The following ADARB2 variants were observed in gnomAD, a reference collection of about 807,000 sequenced individuals.
ADARB2 encodes adenosine deaminase RNA specific B2 (inactive).
Under a neutral mutation model 62.2 loss-of-function variants are expected in ADARB2, and 25 were observed. That is an observed-to-expected ratio of 0.40 (90% confidence interval 0.29 to 0.56). The LOEUF (loss-of-function observed/expected upper bound fraction) is 0.56, where lower values mean the gene tolerates loss of function less well. Among genes scored for constraint, ADARB2 ranks in the 20% least tolerant of loss-of-function variants. ADARB2 has a pLI of 0.43. For synonymous variants in ADARB2, 572 were observed against 500.8 expected, an observed-to-expected ratio of 1.14 and a Z score of -1.90; for missense variants, 1,071 against 1,077.4, an observed-to-expected ratio of 0.99 and a Z score of 0.08.
intron 1 of ADARB2, among the ~76,000 whole-genome samples, chr10:1,656,020 AAC>A (rs1180401629): frequency 1.3e-5 from 2 of 152,232 alleles, no homozygotes; most frequent in African/African-American, 2.4e-5. Flanking sequence ...ATCCAGACAA[AAC>A]AGTGTTCACA....
intron 1 of ADARB2, among the ~76,000 whole-genome samples, chr10:1,385,428 T>C (rs1421318813): frequency 6.6e-6 from 1 of 151,226 alleles, no homozygotes; most frequent in African/African-American, 2.4e-5. Flanking sequence ...TGGGGAATCT[T>C]GGTAGAGAAA....
chr10:1,613,558 G>A (rs374379358), intron 1 of ADARB2, among the ~76,000 whole-genome samples: 1 of 152,294 alleles, frequency 6.6e-6, no homozygotes, highest in East Asian at 1.9e-4. Flanking sequence ...TACAGCAGAT[G>A]CTCATTTTCG....
intron 1 of ADARB2, among the ~76,000 whole-genome samples, chr10:1,512,629 G>A (rs1831950704): frequency 6.6e-6 from 1 of 152,232 alleles, no homozygotes; most frequent in Non-Finnish European, 1.5e-5. Context: ...AAATTCAAGA[G>A]CACATGATTC....
intron 1 of ADARB2, among the ~76,000 whole-genome samples, chr10:1,405,279 A>G (rs1832697947): frequency 1.3e-5 from 2 of 152,154 alleles, no homozygotes; most frequent in South Asian, 4.1e-4. Flanking sequence ...TCCCTCAACC[A>G]CTGCTCGTGG....
At chr10:1,673,178 G>A (rs1008939659) in intron 1 of ADARB2, among the ~76,000 whole-genome samples, 8 of 152,196 alleles carry the variant, frequency 5.3e-5, no homozygotes, top group African/African-American at 1.7e-4. Context: ...GCATTGGGAA[G>A]ACTTCCAACT....
At chr10:1,607,234 C>T (rs1018867529) in intron 1 of ADARB2, among the ~76,000 whole-genome samples, 1 of 152,218 alleles carries the variant, frequency 6.6e-6, no homozygotes, top group Admixed American at 6.5e-5. Context: ...TGGCCGAGGT[C>T]TCCGAGGGCT....
At chr10:1,473,657 C>T (rs890352087) in intron 1 of ADARB2, among the ~76,000 whole-genome samples, 1 of 152,206 alleles carries the variant, frequency 6.6e-6, no homozygotes, top group African/African-American at 2.4e-5. Context: ...GTTGGGATTA[C>T]AGGCATGAGC....
intron 1 of ADARB2, among the ~76,000 whole-genome samples, chr10:1,657,106 CA>C (rs1246662205): frequency 6.6e-6 from 1 of 151,520 alleles, no homozygotes; most frequent in African/African-American, 2.4e-5. Flanking sequence ...TTTTTTTCCA[CA>C]ACGTACACCA....
At chr10:1,448,732 T>C (rs1263697495) in intron 1 of ADARB2, among the ~76,000 whole-genome samples, 4 of 152,166 alleles carry the variant, frequency 2.6e-5, no homozygotes, top group Non-Finnish European at 4.4e-5. Flanking sequence ...CTCTGTGCCT[T>C]ATATGGCCTT....
chr10:1,682,740 G>A (rs1363716730), intron 1 of ADARB2, among the ~76,000 whole-genome samples: 1 of 152,184 alleles, frequency 6.6e-6, no homozygotes, highest in Non-Finnish European at 1.5e-5. Flanking sequence ...CCTGGGAAGG[G>A]GTTGAGAACA....
intron 1 of ADARB2, among the ~76,000 whole-genome samples, chr10:1,566,099 A>C (rs1279528366): frequency 8.2e-6 from 1 of 121,982 alleles, no homozygotes; most frequent in African/African-American, 2.9e-5. Flanking sequence ...AAAAAAAAAA[A>C]AAAAAAAAAA....
At chr10:1,433,238 C>T (rs1290785059) in intron 1 of ADARB2, among the ~76,000 whole-genome samples, 2 of 152,120 alleles carry the variant, frequency 1.3e-5, no homozygotes, top group Non-Finnish European at 2.9e-5. Context: ...ATTGTGGCAG[C>T]TGGTGTGAAA....
intron 3 of ADARB2, among the ~76,000 whole-genome samples, chr10:1,349,691 T>C (rs1315212489): frequency 6.6e-6 from 1 of 152,198 alleles, no homozygotes; most frequent in Non-Finnish European, 1.5e-5. Flanking sequence ...TCCTTTCATT[T>C]CTTGTAGAGA....
intron 1 of ADARB2, among the ~76,000 whole-genome samples, chr10:1,627,781 A>G (rs953268497): frequency 6.6e-6 from 1 of 152,096 alleles, no homozygotes; most frequent in African/African-American, 2.4e-5. Context: ...TTAATTGATC[A>G]CCCATTCTCT....
chr10:1,207,642 T>G (rs1350389095), intron 7 of ADARB2, among the ~76,000 whole-genome samples: 1 of 152,172 alleles, frequency 6.6e-6, no homozygotes, highest in Non-Finnish European at 1.5e-5. Flanking sequence ...GGCTAAAATT[T>G]AGGTTTAGAA....
intron 3 of ADARB2, chr10:1,290,761 C>CTGTT (rs1831459021): frequency 6.6e-6 from 1 of 152,256 alleles, no homozygotes; most frequent in East Asian, 1.9e-4. Context: ...ATCCACAAAT[C>CTGTT]TGTTTACACA....
At chr10:1,299,332 G>A (rs1038754695) in intron 3 of ADARB2, among the ~76,000 whole-genome samples, 6 of 152,070 alleles carry the variant, frequency 3.9e-5, no homozygotes, top group African/African-American at 1.4e-4. Flanking sequence ...ACTGGGGGAC[G>A]TGGACGTGGC....
intron 1 of ADARB2, among the ~76,000 whole-genome samples, chr10:1,489,499 A>G (rs1000632923): frequency 3.3e-5 from 5 of 152,238 alleles, no homozygotes; most frequent in Admixed American, 2.0e-4. Context: ...CACAGCCGCC[A>G]CTTAATGTGT....
chr10:1,374,467 AC>A, intron 2 of ADARB2, among the ~76,000 whole-genome samples: 1 of 152,336 alleles, frequency 6.6e-6, no homozygotes, highest in East Asian at 1.9e-4. Context: ...AGAAAGGCCA[AC>A]GCTTTATATT....
Sources: allele counts gnomAD v4.1 joint callset (sites outside exome capture counted in the v4.1 genomes callset), GRCh38; gene constraint gnomAD v4.1.1; transcripts MANE v1.5; gene names NCBI Gene and HGNC (gene_info 2026-07-23, HGNC 2026-07-21).